The following TMPRSS6 variants were observed in gnomAD, a reference collection of about 807,000 sequenced individuals.
TMPRSS6 encodes the protein transmembrane protease serine 6.
TMPRSS6 carries 67 observed loss-of-function variants against 101.5 expected under a neutral mutation model. That is an observed-to-expected ratio of 0.66 (90% CI 0.54 to 0.81). The LOEUF is 0.81. Ranked by LOEUF, TMPRSS6 falls within the 30% of genes least tolerant of loss-of-function variation. The pLI is 0.00. For synonymous variants in TMPRSS6, 453 were observed against 464.9 expected, an observed-to-expected ratio of 0.97 and a Z score of 0.33; for missense variants, 1,034 against 1,088.7, an observed-to-expected ratio of 0.95 and a Z score of 0.71.
In TMPRSS6 at chr22:37,096,061, A is replaced by G. The variant is rs1367243452; in HGVS notation, c.434T>C (p.Phe145Ser). Residue 145 changes from phenylalanine to serine, a missense_variant, in exon 5 of 18, where the codon TTC (phenylalanine) becomes TCC (serine). Physicochemically the swap from Phe to Ser is radical, Grantham distance 155 (BLOSUM62 -2). Coordinates refer to ENST00000676104, the MANE Select transcript of TMPRSS6 (RefSeq NM_001374504.1). ...GCGGTGCTCGGGGATTTGGAGAATGAACCAGAAGAAGCAGGTGAGGGGTCC... is the reference window on the plus strand; with the variant it reads ...GCGGTGCTCGGGGATTTGGAGAATGGACCAGAAGAAGCAGGTGAGGGGTCC... ...GEGPLTCFFW[F>S]ILQIPEHRRL... The G allele has an allele frequency of 7.4e-6, 12 of 1,614,038 alleles. No individual in the cohort carries two copies. Among genetic ancestry groups the G allele is most frequent in the Non-Finnish European group, 8.5e-6 (10 of 1,180,028 alleles).
chr22:37,084,629 A>T, intron 9 of TMPRSS6, 98 bp downstream of exon 9: 1 of 1,120,570 alleles, frequency 8.9e-7, no homozygotes, highest in Non-Finnish European at 1.3e-6. Context: ...TGGGCGCTTC[A>T]GCAGAGGCGG....
At chr22:37,098,825 AG>A (rs1232580562) in intron 2 of TMPRSS6, among the ~76,000 whole-genome samples, 1 of 152,192 alleles carries the variant, frequency 6.6e-6, no homozygotes, top group Non-Finnish European at 1.5e-5. Flanking sequence ...AGGCTGACAC[AG>A]TGACCAGTCC....
chr22:37,066,838 C>G lies in TMPRSS6; in HGVS notation c.2238G>C (p.Lys746Asn). 9.3e-6 allele frequency: 15 copies of G among 1,614,206 alleles called. No individual in the cohort carries two copies. The highest frequency in any genetic ancestry group is 1.3e-5 in the Non-Finnish European group (15 of 1,180,032). ...MLCAGYRKGK[K>N]DACQGDSGGP... is the part of the protein sequence containing the mutation. ...CCGGGGGACTCACCTGACAGGCATC[C>G]TTCTTGCCCTTGCGGTAGCCGGCAC... The change falls in exon 17 of 18, where the codon AAG becomes AAC. Residue 746 changes from lysine to asparagine, a missense_variant. Lys to Asn is a moderately conservative substitution (Grantham distance 94). Transcript: ENST00000676104.
chr22:37,075,173 C>G lies in TMPRSS6; in HGVS notation c.1304G>C (p.Gly435Ala), dbSNP rs781599649. 1 of 1,614,064 alleles carries G rather than the reference C, an allele frequency of 6.2e-7. No homozygotes were observed. Among genetic ancestry groups the G allele is most frequent in the Non-Finnish European group, 8.5e-7 (1 of 1,180,044 alleles). ...FTSQISLTGP[G>A]VRVHYGLYNQ... ...GTACAAGCCATAGTGCACCCGCACA[C>G]CGGGCCCGGTGAGGGAGATCTGGGA... Residue 435 changes from glycine to alanine, a missense_variant, in exon 11 of 18, where the codon GGT (glycine) becomes GCT (alanine). By Grantham distance (60) the Gly-to-Ala change is moderately conservative. Transcript: ENST00000676104.
chr22:37,076,300 A>G (rs1555887954), intron 10 of TMPRSS6, among the ~76,000 whole-genome samples: 2 of 152,152 alleles, frequency 1.3e-5, no homozygotes, highest in Non-Finnish European at 2.9e-5. Context: ...TGAGGGAAGG[A>G]CCAGTCCTTC....
intron 1 of TMPRSS6, among the ~76,000 whole-genome samples, chr22:37,106,006 C>T (rs1005618890): frequency 4.6e-5 from 7 of 152,082 alleles, no homozygotes; most frequent in Non-Finnish European, 8.8e-5. Context: ...AGTCATAGAG[C>T]CATGGGGACT....
intron 10 of TMPRSS6, chr22:37,084,016 A>G (rs1028738131): frequency 1.8e-6 from 1 of 566,122 alleles, no homozygotes; most frequent in Non-Finnish European, 3.2e-6. Flanking sequence ...AGATGAGACA[A>G]TTTTGCTGTA....
At chr22:37,089,874 C>T in intron 6 of TMPRSS6, 92 bp from the exon 7 acceptor site, 2 of 1,360,424 alleles carry the variant, frequency 1.5e-6, no homozygotes, top group Non-Finnish European at 2.0e-6. Context: ...CTCCACCAGG[C>T]AGGATGGGCT....
rs1490989137 is a variant in TMPRSS6 at position 37,075,283 on chromosome 22, G to A, written c.1197-3C>T. 3.1e-6 allele frequency: 5 copies of A among 1,612,678 alleles called. No homozygotes were observed. The highest frequency in any genetic ancestry group is 4.2e-6 in the Non-Finnish European group (5 of 1,179,420). The stretch of plus-strand genomic sequence containing the variant: ...GCAGGATGCGCAAGCCACACAGCCT[G>A]GGGGGAGTCAGAGACGACTCAGGGC... On this transcript the variant is annotated splice_region_variant and splice_polypyrimidine_tract_variant and intron_variant, in intron 10 of 17. Coordinates refer to ENST00000676104, the MANE Select transcript of TMPRSS6 (RefSeq NM_001374504.1).
In TMPRSS6 at chr22:37,069,177, A is replaced by G; in HGVS notation, c.2009T>C (p.Val670Ala). ...GACGGGGCGCACGGCGGCCGAGCGC[A>G]CCACCGGGTGGTCGAGCTGCAGCAG... Reference protein sequence around the residue: ...VALLQLDHPVVRSAAVRPVCL... With the variant: ...VALLQLDHPVARSAAVRPVCL... Residue 670 changes from valine (V) to alanine (A), a missense_variant, in exon 16 of 18, where the codon GTG becomes GCG. Coordinates refer to ENST00000676104, the MANE Select transcript of TMPRSS6 (RefSeq NM_001374504.1). This position sits in a 1 kb window ranked among gnomAD's most constrained non-coding sequence, Gnocchi z 4.8. The G allele has an allele frequency of 6.3e-7, 1 of 1,591,712 alleles. No individual in the cohort carries two copies. The highest frequency in any genetic ancestry group is 8.5e-7 in the Non-Finnish European group (1 of 1,170,306).
chr22:37,106,203 G>A (rs866944036), intron 1 of TMPRSS6, among the ~76,000 whole-genome samples: 1 of 152,148 alleles, frequency 6.6e-6, no homozygotes, highest in Admixed American at 6.5e-5. Context: ...CAGCTGGTCA[G>A]CAGCACAGCC....
upstream of TMPRSS6, among the ~76,000 whole-genome samples, chr22:37,110,534 G>C (rs1930991989): frequency 6.6e-6 from 1 of 152,188 alleles, no homozygotes; most frequent in African/African-American, 2.4e-5. Flanking sequence ...ACTGAGAAAA[G>C]CTGCACGGGG....
At chr22:37,095,776 T>TG in intron 5 of TMPRSS6, 130 bp downstream of exon 5, 3 of 1,310,300 alleles carry the variant, frequency 2.3e-6, no homozygotes, top group Non-Finnish European at 2.2e-6. Context: ...CTACCTCACC[T>TG]GGGGGGCTCT....
At chr22:37,071,752 A>G (rs1926929558) in intron 13 of TMPRSS6, among the ~76,000 whole-genome samples, 1 of 151,930 alleles carries the variant, frequency 6.6e-6, no homozygotes, top group African/African-American at 2.4e-5. Context: ...AAATAGACCC[A>G]GACAGAAGAC....
At chr22:37,075,000 TACAC>T (rs111225958) in intron 11 of TMPRSS6, 131 bp downstream of exon 11, 32,121 of 1,410,836 alleles carry the variant, frequency 0.023, 477 homozygotes, top group Non-Finnish European at 0.027. Flanking sequence ...TGCAAGCACA[TACAC>T]ACACACACAC....
chr22:37,089,557 C>CCCCCCCCCAA, intron 7 of TMPRSS6, 21 bp downstream of exon 7: 1 of 1,563,468 alleles, frequency 6.4e-7, no homozygotes, highest in Non-Finnish European at 8.7e-7. Flanking sequence ...CTCCCTCCTG[C>CCCCCCCCCAA]CCTCCTTCCC....
Position 37,073,662 on chromosome 22 carries a change from A to G in TMPRSS6, c.1442-17T>C. On this transcript the variant is annotated splice_polypyrimidine_tract_variant and intron_variant, in intron 12 of 17. Transcript: ENST00000676104. ...CTCTGCAAACTGTGTGGGGACACAGAGAGGGGACAGGTGGGAGGAAGCCAG... is the reference window on the plus strand; with the variant it reads ...CTCTGCAAACTGTGTGGGGACACAGGGAGGGGACAGGTGGGAGGAAGCCAG... The G allele has an allele frequency of 6.3e-7, 1 of 1,578,986 alleles. No homozygotes were observed. Among genetic ancestry groups the G allele is most frequent in the South Asian group, 1.1e-5 (1 of 90,370 alleles).
rs145814440 is a variant in TMPRSS6, at chr22:37,070,525, G to A, written c.1800C>T (p.Asp600=). 14,074 of 1,613,446 alleles carry A rather than the reference G, an allele frequency of 8.7e-3. 86 individuals carry two copies. Among genetic ancestry groups the A allele is most frequent in the Non-Finnish European group, 0.01 (12,106 of 1,180,014 alleles). Residue 600 remains aspartate, a synonymous_variant, in exon 15 of 18, where the codon GAC becomes GAT. Coordinates refer to ENST00000676104, the MANE Select transcript of TMPRSS6 (RefSeq NM_001374504.1). ...RHICGGALIA[D]RWVITAAHCF... ...AGTGGGCAGCTGTTATCACCCAGCG[G>A]TCAGCGATGAGGGCCCCCCCACAGA...
intron 9 of TMPRSS6, 113 bp downstream of exon 9, chr22:37,084,614 G>A: frequency 1.0e-6 from 1 of 988,648 alleles, no homozygotes; most frequent in Non-Finnish European, 1.5e-6. Flanking sequence ...CCAGGGCTCA[G>A]CCTGTGGGCG....
Sources: gnomAD v4.1 joint callset for allele counts (sites outside exome capture counted in the v4.1 genomes callset) on GRCh38, gnomAD v4.1.1 for gene constraint, Gnocchi (gnomAD v3.1) non-coding constraint, MANE v1.5 for transcripts, NCBI Gene and HGNC (gene_info 2026-07-23, HGNC 2026-07-21) for gene names.